The following UBAP1 variants were observed in gnomAD, a reference collection of about 807,000 sequenced individuals.
UBAP1 encodes the protein ubiquitin associated protein 1, also known as ubiquitin-associated protein 1.
A neutral mutation model predicts 39.0 loss-of-function variants in UBAP1; 5 were observed. The observed-to-expected ratio is 0.13, with a 90% CI of 0.07 to 0.27. UBAP1 has a LOEUF of 0.27. UBAP1 is among the 10% of genes least tolerant of loss of function. UBAP1 has a pLI of 1.00. For synonymous variants in UBAP1, 211 were observed against 225.1 expected (o/e 0.94, Z 0.56); for missense variants, 490 against 608.1 (o/e 0.81, Z 2.04).
At position 34,252,446 on chromosome 9, in the gene UBAP1, A is replaced by G. The variant is rs1328195081; in HGVS notation, c.*914A>G. The G allele has an allele frequency of 7.0e-6, 1 of 142,246 alleles. No homozygotes were observed. Among genetic ancestry groups the G allele is most frequent in the Non-Finnish European group, 1.5e-5 (1 of 65,362 alleles). The allele number at this position is 142,246 out of a possible 1,614,324, so 8.8% of individuals were successfully genotyped here. On this transcript the variant is annotated 3_prime_UTR_variant, in exon 7 of 7. Coordinates refer to ENST00000297661, the MANE Select transcript of UBAP1 (RefSeq NM_016525.5). The stretch of plus-strand genomic sequence containing the variant: ...AAAGATCTAAATACAAAGGATATAC[A>G]GTCTTGAATCTAAAATAATTTGCTA...
At chr9:34,188,582 A>G (rs1395033725) in intron 1 of UBAP1, among the ~76,000 whole-genome samples, 1 of 151,948 alleles carries the variant, frequency 6.6e-6, no homozygotes, top group Non-Finnish European at 1.5e-5. Context: ...AGCTACCTTT[A>G]ACTTCCTGCC....
intron 2 of UBAP1, among the ~76,000 whole-genome samples, chr9:34,225,800 A>G (rs1833017959): frequency 6.6e-6 from 1 of 151,460 alleles, no homozygotes; most frequent in South Asian, 2.1e-4. Flanking sequence ...AAAAAAGAAA[A>G]GAAAAAAGAA....
chr9:34,205,013 A>AT (rs1563896567), intron 1 of UBAP1, among the ~76,000 whole-genome samples: 1 of 151,720 alleles, frequency 6.6e-6, no homozygotes, highest in South Asian at 2.1e-4. Context: ...TTTAATTTTT[A>AT]TTTTTTTTGA....
At chr9:34,183,272 C>T (rs1830189589) in intron 1 of UBAP1, among the ~76,000 whole-genome samples, 1 of 151,624 alleles carries the variant, frequency 6.6e-6, no homozygotes, top group South Asian at 2.1e-4. Context: ...GGCCTGGCGC[C>T]ATGGCTCATG....
chr9:34,229,819 A>C (rs1444582152), intron 2 of UBAP1, among the ~76,000 whole-genome samples: 1 of 151,470 alleles, frequency 6.6e-6, no homozygotes, highest in African/African-American at 2.4e-5. Context: ...TTACAGGCAT[A>C]AGTCACCATG....
chr9:34,221,039 T>A, intron 2 of UBAP1, 91 bp downstream of exon 2: 12 of 1,145,006 alleles, frequency 1.0e-5, no homozygotes, highest in Non-Finnish European at 1.6e-5. Context: ...AGTGCCCCTT[T>A]TTGTCTCTTT....
At chr9:34,248,003 G>A (rs938366991) in intron 4 of UBAP1, among the ~76,000 whole-genome samples, 2 of 151,842 alleles carry the variant, frequency 1.3e-5, no homozygotes, top group Non-Finnish European at 2.9e-5. Flanking sequence ...CACCAGTAGG[G>A]TATGTGAGAG....
At chr9:34,226,122 T>TGTGTGTGTGTGTGTG (rs1204008524) in intron 2 of UBAP1, among the ~76,000 whole-genome samples, 1 of 96,638 alleles carries the variant, frequency 1.0e-5, no homozygotes. Context: ...TGTGTGTGTG[T>TGTGTGTGTGTGTGTG]GTGTGTGTGT....
intron 1 of UBAP1, among the ~76,000 whole-genome samples, chr9:34,190,092 C>G (rs962433530): frequency 6.6e-6 from 1 of 152,120 alleles, no homozygotes; most frequent in African/African-American, 2.4e-5. Context: ...GGCTTAATAC[C>G]TGGGTGATGA....
At chr9:34,185,863 C>G (rs1342505658) in intron 1 of UBAP1, among the ~76,000 whole-genome samples, 3 of 152,180 alleles carry the variant, frequency 2.0e-5, no homozygotes, top group Non-Finnish European at 4.4e-5. Context: ...GAAAAACAAA[C>G]AAACAAACAC....
At chr9:34,223,307 G>A (rs570420336) in intron 2 of UBAP1, among the ~76,000 whole-genome samples, 15 of 151,810 alleles carry the variant, frequency 9.9e-5, no homozygotes, top group African/African-American at 2.9e-4. Flanking sequence ...ACGCATGCCT[G>A]TAATCCCAGC....
At chr9:34,203,717 A>G (rs892228759) in intron 1 of UBAP1, among the ~76,000 whole-genome samples, 1 of 152,234 alleles carries the variant, frequency 6.6e-6, no homozygotes, top group Non-Finnish European at 1.5e-5. Context: ...CACATATTTC[A>G]TAAGCATGTG....
chr9:34,250,524 AAATCAAATCCTATCC>A, intron 5 of UBAP1, 119 bp from the exon 6 acceptor site: 1 of 611,126 alleles, frequency 1.6e-6, no homozygotes, highest in East Asian at 3.0e-5. Flanking sequence ...TCAAGGCACA[AAATCAAATCCTATCC>A]AGTATCTGAC....
intron 1 of UBAP1, among the ~76,000 whole-genome samples, chr9:34,200,341 T>C (rs1443665138): frequency 6.6e-6 from 1 of 152,228 alleles, no homozygotes; most frequent in Non-Finnish European, 1.5e-5. Flanking sequence ...GAATCTGTCA[T>C]TTCTCCAGAG....
intron 5 of UBAP1, 60 bp from the exon 6 acceptor site, chr9:34,250,598 C>A: frequency 1.4e-6 from 2 of 1,409,512 alleles, no homozygotes; most frequent in Non-Finnish European, 2.0e-6. Context: ...TTGTTGAGGT[C>A]TCTTGGAAAG....
At chr9:34,191,474 G>T (rs952365007) in intron 1 of UBAP1, 2 of 152,536 alleles carry the variant, frequency 1.3e-5, no homozygotes, top group African/African-American at 4.8e-5. Flanking sequence ...TGAGTTGAAA[G>T]ATCGAAAGTT....
intron 1 of UBAP1, among the ~76,000 whole-genome samples, chr9:34,181,414 C>A (rs1830023699): frequency 6.7e-6 from 1 of 150,000 alleles, no homozygotes; most frequent in African/African-American, 2.4e-5. Context: ...CCGCGCCCGG[C>A]CTTTTTTATT....
At chr9:34,230,335 A>G (rs1833343176) in intron 2 of UBAP1, among the ~76,000 whole-genome samples, 1 of 152,236 alleles carries the variant, frequency 6.6e-6, no homozygotes, top group Non-Finnish European at 1.5e-5. Flanking sequence ...AATTGCTGGG[A>G]TTACAGGCGT....
At chr9:34,246,734 C>CT (rs1022101960) in intron 4 of UBAP1, among the ~76,000 whole-genome samples, 2 of 152,186 alleles carry the variant, frequency 1.3e-5, no homozygotes, top group African/African-American at 4.8e-5. Flanking sequence ...TGAGGTTAGG[C>CT]TTGAGGGCCA....
Sources: allele counts gnomAD v4.1 joint callset (sites outside exome capture counted in the v4.1 genomes callset), GRCh38; gene constraint gnomAD v4.1.1; transcripts MANE v1.5; gene names NCBI Gene and HGNC (gene_info 2026-07-23, HGNC 2026-07-21).